The following RBBP8 variants were observed in gnomAD, a reference collection of about 807,000 sequenced individuals.
The protein encoded by RBBP8 is DNA endonuclease RBBP8.
Under a neutral mutation model 108.3 loss-of-function variants are expected in RBBP8, and 88 were observed. The observed-to-expected ratio is 0.81, with a 90% CI of 0.68 to 0.97. The LOEUF (loss-of-function observed/expected upper bound fraction) is 0.97, where lower values mean the gene tolerates loss of function less well. RBBP8 is among the 50% of genes least tolerant of loss of function. RBBP8 has a pLI of 0.00. For missense variants in RBBP8, 1,023 were observed against 1,049.0 expected (o/e 0.98, Z 0.34); for synonymous variants, 332 against 348.2 (o/e 0.95, Z 0.52).
chr18:22,949,799 G>A (rs967592314), intron 4 of RBBP8, 86 bp downstream of exon 4: 13 of 979,436 alleles, frequency 1.3e-5, no homozygotes, highest in Admixed American at 5.4e-5. Context: ...TTAGTTTTGG[G>A]ATTGAAAGTG....
intron 12 of RBBP8, among the ~76,000 whole-genome samples, chr18:22,994,939 T>A (rs2045827837): frequency 6.6e-6 from 1 of 152,060 alleles, no homozygotes; most frequent in African/African-American, 2.4e-5. Context: ...TTGCCCAGGT[T>A]GGTCTCGAAC....
chr18:22,943,792 T>C (rs1174033755), intron 2 of RBBP8, among the ~76,000 whole-genome samples: 2 of 152,156 alleles, frequency 1.3e-5, no homozygotes, highest in African/African-American at 4.8e-5. Flanking sequence ...TATGGTTTGG[T>C]CTGGGTAAAG....
chr18:22,941,213 C>T (rs1457440197), intron 2 of RBBP8, among the ~76,000 whole-genome samples: 1 of 151,938 alleles, frequency 6.6e-6, no homozygotes, highest in Non-Finnish European at 1.5e-5. Flanking sequence ...ACTCTGTCAC[C>T]CAGGCTGGAG....
At chr18:22,932,746 C>G (rs753692516), upstream of RBBP8, among the ~76,000 whole-genome samples, 81 of 152,074 alleles carry the variant, frequency 5.3e-4, no homozygotes, top group Non-Finnish European at 1.0e-3. Context: ...AACGAACAGC[C>G]ACAAGAAAAA....
intron 2 of RBBP8, among the ~76,000 whole-genome samples, chr18:22,944,120 G>A (rs1177109483): frequency 6.6e-6 from 1 of 152,194 alleles, no homozygotes; most frequent in Non-Finnish European, 1.5e-5. Flanking sequence ...CAGGATTAAA[G>A]CACACTTTAT....
At chr18:23,012,717 A>G (rs1438575642) in intron 16 of RBBP8, among the ~76,000 whole-genome samples, 1 of 152,250 alleles carries the variant, frequency 6.6e-6, no homozygotes, top group Non-Finnish European at 1.5e-5. Context: ...CAAATGATCT[A>G]GAATATCTGG....
At position 22,992,974 on chromosome 18, in the gene RBBP8, G is replaced by T; in HGVS notation, c.1147G>T (p.Ala383Ser). 6.2e-7 allele frequency: 1 copy of T among 1,613,516 alleles called. No homozygotes were observed. The highest frequency in any genetic ancestry group is 8.5e-7 in the Non-Finnish European group (1 of 1,179,490). The change falls in exon 11 of 19, where the codon GCC becomes TCC. Residue 383 changes from alanine to serine, a missense_variant. Transcript: ENST00000327155. ...AACTAGATCAAAATCTGAAGATAGTGCCCTTTTCACACATCACAGTCTTGG... is the reference window on the plus strand; with the variant it reads ...AACTAGATCAAAATCTGAAGATAGTTCCCTTTTCACACATCACAGTCTTGG... ...EKTRSKSEDS[A>S]LFTHHSLGSE...
intron 3 of RBBP8, among the ~76,000 whole-genome samples, chr18:22,921,353 A>G (rs1325424627): frequency 1.3e-5 from 2 of 152,318 alleles, no homozygotes; most frequent in East Asian, 3.9e-4. Flanking sequence ...ACTTATCCAC[A>G]ACTTCTGACT....
chr18:22,966,719 CTTTTTTTTTT>C (rs796853895), intron 4 of RBBP8, among the ~76,000 whole-genome samples: 1 of 128,116 alleles, frequency 7.8e-6, no homozygotes, highest in African/African-American at 2.9e-5. Context: ...TACTTACTAT[CTTTTTTTTTT>C]TTTTTTTTTT....
chr18:23,013,997 T>A (rs796552629), intron 16 of RBBP8, among the ~76,000 whole-genome samples: 2 of 151,954 alleles, frequency 1.3e-5, no homozygotes, highest in African/African-American at 2.4e-5. Flanking sequence ...GAGATGAATT[T>A]TTTATTTATT....
At chr18:22,929,421 C>T, upstream of RBBP8, 1 of 149,442 alleles carries the variant, frequency 6.7e-6, no homozygotes, top group Non-Finnish European at 1.5e-5. Flanking sequence ...GTAGCTTGAA[C>T]CAGGGTGGAC....
At chr18:22,929,523 G>GGGGT (rs371099146), upstream of RBBP8, 3,111 of 118,652 alleles carry the variant, frequency 0.026, 398 homozygotes, top group East Asian at 0.2. Flanking sequence ...GAGACAGGCG[G>GGGGT]GTGTGTGTGT....
chr18:22,974,099 A>G (rs60396922), intron 5 of RBBP8, among the ~76,000 whole-genome samples: 6,565 of 152,280 alleles, frequency 0.043, 173 homozygotes, highest in African/African-American at 0.076. Flanking sequence ...AACAAATTTT[A>G]GAGTACAATT....
At chr18:22,984,205 T>C (rs1349338577) in intron 7 of RBBP8, among the ~76,000 whole-genome samples, 3 of 152,214 alleles carry the variant, frequency 2.0e-5, no homozygotes, top group South Asian at 2.1e-4. Context: ...AAGTTATAAA[T>C]AGTAAAACCA....
chr18:22,983,330 A>G (rs927749255), intron 7 of RBBP8, among the ~76,000 whole-genome samples: 3 of 152,230 alleles, frequency 2.0e-5, no homozygotes, highest in Admixed American at 1.3e-4. Flanking sequence ...CCTTTAAACA[A>G]ATAAGCAGAT....
intron 6 of RBBP8, among the ~76,000 whole-genome samples, chr18:22,976,229 G>T (rs1914488302): frequency 6.6e-6 from 1 of 152,070 alleles, no homozygotes; most frequent in Non-Finnish European, 1.5e-5. Flanking sequence ...CATGTGATTG[G>T]TCTACTGAAT....
rs145855800 is a variant in RBBP8, at chr18:22,970,462, T to C, written c.361+1544T>C. ...AATGGCTGCATTGTATGCCATAGTATAGGTGTCAATTTTTTAGCTATTGTC... is the reference window on the plus strand; with the variant it reads ...AATGGCTGCATTGTATGCCATAGTACAGGTGTCAATTTTTTAGCTATTGTC... On this transcript the variant is annotated intron_variant, in intron 5 of 18. Transcript: ENST00000327155. 2.0e-5 allele frequency among the ~76,000 whole-genome samples: 3 copies of C among 152,342 alleles called. No homozygotes were observed. The East Asian group carries it at 5.8e-4, about 29-fold the overall frequency.
At chr18:22,992,215 TTTTG>T (rs1448023717) in intron 10 of RBBP8, among the ~76,000 whole-genome samples, 1 of 152,170 alleles carries the variant, frequency 6.6e-6, no homozygotes, top group Non-Finnish European at 1.5e-5. Flanking sequence ...AAAATATGAT[TTTTG>T]TTTGTTTGTT....
chr18:22,978,792 TTAA>T (rs1355962486), intron 6 of RBBP8, among the ~76,000 whole-genome samples: 37 of 152,330 alleles, frequency 2.4e-4, no homozygotes, highest in African/African-American at 7.5e-4. Context: ...GAATGGTGAC[TTAA>T]TAATGATTGT....
Sources: gnomAD v4.1 joint callset for allele counts (sites outside exome capture counted in the v4.1 genomes callset) on GRCh38, gnomAD v4.1.1 for gene constraint, MANE v1.5 for transcripts, NCBI Gene and HGNC (gene_info 2026-07-23, HGNC 2026-07-21) for gene names.